LRBA: variants seen among roughly 807,000 people sequenced by gnomAD.
The protein encoded by LRBA is lipopolysaccharide-responsive and beige-like anchor protein.
LRBA carries 176 observed loss-of-function variants against 330.0 expected under a neutral mutation model. The observed-to-expected ratio is 0.53, with a 90% confidence interval of 0.47 to 0.60. The LOEUF is 0.60. LRBA is among the 20% of genes least tolerant of loss of function. The probability of loss-of-function intolerance (pLI) is 0.00; values close to 1 mark genes in which losing one functional copy is unlikely to be tolerated. For synonymous variants in LRBA, 1,230 were observed against 1,193.0 expected (o/e 1.03, Z -0.64); for missense variants, 3,259 against 3,444.8 (o/e 0.95, Z 1.35).
At chr4:150,995,568 T>G (rs1251240658) in intron 2 of LRBA, among the ~76,000 whole-genome samples, 1 of 152,062 alleles carries the variant, frequency 6.6e-6, no homozygotes. Flanking sequence ...ACATTACAAT[T>G]GCTTATTGAT....
At chr4:150,632,638 T>G (rs1279457138) in intron 37 of LRBA, among the ~76,000 whole-genome samples, 3 of 152,116 alleles carry the variant, frequency 2.0e-5, no homozygotes, top group Non-Finnish European at 4.4e-5. Flanking sequence ...ATCCTAGCTC[T>G]CCTCCTATCT....
Position 150,351,079 on chromosome 4 carries a change from C to T in LRBA, c.7195-920G>A, listed in dbSNP as rs566123028. The stretch of plus-strand genomic sequence containing the variant: ...TAACATAATAGTGTCCAATAAATAA[C>T]GAATGAACACAATCAAGTATTTGGT... On this transcript the variant is annotated intron_variant, in intron 47 of 56. Transcript: ENST00000651943. Among the ~76,000 whole-genome samples the T allele has an allele frequency of 2.4e-4, 37 of 152,166 alleles. 1 individual carries two copies. Among genetic ancestry groups the T allele is most frequent in the Middle Eastern group, 3.4e-3 (1 of 292 alleles).
intron 34 of LRBA, among the ~76,000 whole-genome samples, chr4:150,762,633 G>C (rs566098270): frequency 2.0e-5 from 3 of 151,560 alleles, no homozygotes; most frequent in African/African-American, 7.2e-5. Flanking sequence ...GTGTATGTGC[G>C]TGTGTGTGTG....
intron 40 of LRBA, among the ~76,000 whole-genome samples, chr4:150,516,566 T>A (rs533808726): frequency 1.3e-5 from 2 of 151,988 alleles, no homozygotes; most frequent in South Asian, 4.2e-4. Flanking sequence ...ACAATACTTA[T>A]AAAATAAAAA....
chr4:150,633,696 T>C (rs1777603854), intron 37 of LRBA, among the ~76,000 whole-genome samples: 1 of 152,232 alleles, frequency 6.6e-6, no homozygotes, highest in Admixed American at 6.5e-5. Flanking sequence ...AAGCACCCAA[T>C]ATGGCCATAA....
At chr4:150,833,310 A>G (rs555354532) in intron 28 of LRBA, among the ~76,000 whole-genome samples, 2 of 151,952 alleles carry the variant, frequency 1.3e-5, no homozygotes, top group African/African-American at 4.8e-5. Flanking sequence ...AATATGTTTG[A>G]ACTTGTTAAT....
chr4:150,503,919 C>T (rs1279133020), intron 40 of LRBA, among the ~76,000 whole-genome samples: 3 of 152,104 alleles, frequency 2.0e-5, no homozygotes, highest in Admixed American at 1.3e-4. Context: ...AGCTGAAAAC[C>T]AAGGCACGAG....
chr4:150,349,269 A>C (rs1736818888), intron 48 of LRBA, among the ~76,000 whole-genome samples: 1 of 152,192 alleles, frequency 6.6e-6, no homozygotes, highest in Admixed American at 6.5e-5. Context: ...GTGATATATA[A>C]CTTGCCCCAT....
chr4:150,971,971 T>A (rs1470884920), intron 2 of LRBA, among the ~76,000 whole-genome samples: 1 of 152,210 alleles, frequency 6.6e-6, no homozygotes, highest in Non-Finnish European at 1.5e-5. Flanking sequence ...GCCAGTATAA[T>A]GTACCTCCAT....
chr4:150,800,240 G>A (rs781041830), intron 33 of LRBA, among the ~76,000 whole-genome samples: 4 of 152,156 alleles, frequency 2.6e-5, no homozygotes, highest in Non-Finnish European at 4.4e-5. Context: ...TTCATAGTTC[G>A]GTTTGAACAA....
intron 35 of LRBA, among the ~76,000 whole-genome samples, chr4:150,745,816 G>GA (rs1560761728): frequency 6.6e-6 from 1 of 151,994 alleles, no homozygotes; most frequent in African/African-American, 2.4e-5. Context: ...GCCCAGCCGA[G>GA]AAAAAATCTT....
chr4:150,583,666 A>G lies in LRBA; in HGVS notation c.6330+4382T>C. On this transcript the variant is annotated intron_variant, in intron 40 of 56. Transcript: ENST00000651943. This position sits in a 1 kb window ranked among gnomAD's most constrained non-coding sequence, Gnocchi z 9.8. ...GGCCGAAGGGTTCAACTTGCTCTCG[A>G]AGGAGTGCTACTCGCTGACCGGCAA... 1 of 1,613,910 alleles carries G rather than the reference A, an allele frequency of 6.2e-7. No individual in the cohort carries two copies. The highest frequency in any genetic ancestry group is 8.5e-7 in the Non-Finnish European group (1 of 1,180,002).
rs916547637 is a variant in LRBA, at chr4:150,541,774, C to A, written c.6330+46274G>T. On this transcript the variant is annotated intron_variant, in intron 40 of 56. Coordinates refer to ENST00000651943, the MANE Select transcript of LRBA (RefSeq NM_001364905.1). ...CCTTGAACCTCATAGCTCGCTGCAGCCTTGAACTCCTGGGCTCAAGTGATC... is the reference window on the plus strand; with the variant it reads ...CCTTGAACCTCATAGCTCGCTGCAGACTTGAACTCCTGGGCTCAAGTGATC... 3.3e-5 allele frequency among the ~76,000 whole-genome samples: 5 copies of A among 152,204 alleles called. No individual in the cohort carries two copies. The East Asian group carries it at 9.6e-4, about 29-fold the overall frequency.
At chr4:150,639,859 ATATATATATATATT>A (rs1778489233) in intron 37 of LRBA, among the ~76,000 whole-genome samples, 1 of 79,216 alleles carries the variant, frequency 1.3e-5, no homozygotes, top group Non-Finnish European at 2.4e-5. Context: ...ATATATATAT[ATATATATATATATT>A]TAGATGGAGT....
chr4:150,854,970 A>G (rs944916807), intron 22 of LRBA, among the ~76,000 whole-genome samples: 1 of 152,088 alleles, frequency 6.6e-6, no homozygotes, highest in African/African-American at 2.4e-5. Context: ...TTTTTAAAAG[A>G]TCAGTGGCTG....
At chr4:150,809,390 G>A (rs62346347) in intron 31 of LRBA, among the ~76,000 whole-genome samples, 2,134 of 152,242 alleles carry the variant, frequency 0.014, 22 homozygotes, top group Non-Finnish European at 0.02. Context: ...AGCACAAAAT[G>A]AGTTTGAAAC....
chr4:150,742,634 ATGC>A (rs1177464289), intron 35 of LRBA, among the ~76,000 whole-genome samples: 1 of 152,148 alleles, frequency 6.6e-6, no homozygotes, highest in East Asian at 1.9e-4. Context: ...ACAGTGGCTC[ATGC>A]CTACAATCCC....
intron 2 of LRBA, among the ~76,000 whole-genome samples, chr4:150,947,015 C>T (rs1165617340): frequency 3.3e-5 from 5 of 151,578 alleles, no homozygotes; most frequent in Non-Finnish European, 7.4e-5. Context: ...GAAGCTACCA[C>T]TACTTGCCCA....
intron 37 of LRBA, among the ~76,000 whole-genome samples, chr4:150,677,570 T>C (rs1782665035): frequency 2.0e-5 from 3 of 152,210 alleles, no homozygotes. Flanking sequence ...AAGCACATAT[T>C]CAATTTTGAA....
Sources: allele counts gnomAD v4.1 joint callset (sites outside exome capture counted in the v4.1 genomes callset), GRCh38; gene constraint gnomAD v4.1.1; non-coding constraint Gnocchi (gnomAD v3.1); transcripts MANE v1.5; gene names NCBI Gene and HGNC (gene_info 2026-07-23, HGNC 2026-07-21).